The following HDAC9 variants were observed in gnomAD, a reference collection of about 807,000 sequenced individuals.
HDAC9 encodes histone deacetylase 9, also known as MEF-2 interacting transcription repressor (MITR) protein.
HDAC9 carries 41 observed loss-of-function variants against 139.4 expected under a neutral mutation model. The ratio of observed to expected loss-of-function variants is 0.29; its 90% CI spans 0.23 to 0.38. HDAC9 has a LOEUF of 0.38. Ranked by LOEUF, HDAC9 falls within the 10% of genes least tolerant of loss-of-function variation. The pLI is 1.00. For synonymous variants in HDAC9, 517 were observed against 476.2 expected (o/e 1.09, Z -1.12); for missense variants, 1,147 against 1,297.0 (o/e 0.88, Z 1.78).
intron 22 of HDAC9, among the ~76,000 whole-genome samples, chr7:18,928,513 T>G (rs376202532): frequency 6.6e-6 from 1 of 152,292 alleles, no homozygotes; most frequent in East Asian, 1.9e-4. Context: ...CTAACATACA[T>G]TGGTCACTTT....
intron 2 of HDAC9, among the ~76,000 whole-genome samples, chr7:18,203,329 T>G (rs1791273449): frequency 6.6e-6 from 1 of 152,216 alleles, no homozygotes; most frequent in South Asian, 2.1e-4. Context: ...TTGTCTTCAT[T>G]ACTGGCACCG....
chr7:18,735,152 G>A (rs764518378), intron 13 of HDAC9, among the ~76,000 whole-genome samples: 4 of 152,118 alleles, frequency 2.6e-5, no homozygotes, highest in Non-Finnish European at 5.9e-5. Flanking sequence ...TTGTCAGATG[G>A]GTAGATTGCA....
intron 1 of HDAC9, among the ~76,000 whole-genome samples, chr7:18,470,916 T>C (rs1350639525): frequency 6.6e-6 from 1 of 152,106 alleles, no homozygotes; most frequent in Non-Finnish European, 1.5e-5. Flanking sequence ...TTGTGAACTT[T>C]CATTTTATTT....
At chr7:18,844,566 G>A (rs1415565600) in intron 21 of HDAC9, among the ~76,000 whole-genome samples, 6 of 152,136 alleles carry the variant, frequency 3.9e-5, no homozygotes, top group Admixed American at 3.9e-4. Context: ...GCTCGCCTAG[G>A]ATGTATATTT....
chr7:18,779,755 G>A (rs751226691), intron 16 of HDAC9, among the ~76,000 whole-genome samples: 7 of 151,938 alleles, frequency 4.6e-5, no homozygotes, highest in Non-Finnish European at 8.8e-5. Context: ...CCACCCTGTG[G>A]GGTCACCTTG....
chr7:18,377,620 G>T (rs1785096964), intron 1 of HDAC9, among the ~76,000 whole-genome samples: 1 of 152,162 alleles, frequency 6.6e-6, no homozygotes. Context: ...TGTAGCAAAT[G>T]TGTTTAATAT....
intron 1 of HDAC9, among the ~76,000 whole-genome samples, chr7:18,108,661 T>A (rs1783396847): frequency 7.1e-6 from 1 of 141,638 alleles, no homozygotes; most frequent in Admixed American, 7.6e-5. Flanking sequence ...TTGCCCAGGC[T>A]GGAGTGGCAG....
At chr7:18,842,806 A>T (rs1435899838) in intron 21 of HDAC9, among the ~76,000 whole-genome samples, 1 of 152,106 alleles carries the variant, frequency 6.6e-6, no homozygotes, top group Non-Finnish European at 1.5e-5. Context: ...AATTGATCTT[A>T]TGCACACCTG....
chr7:18,681,716 G>A (rs1344527184), intron 12 of HDAC9, among the ~76,000 whole-genome samples: 2 of 151,948 alleles, frequency 1.3e-5, no homozygotes, highest in Non-Finnish European at 2.9e-5. Context: ...ACTTCAAGAA[G>A]ATGTGCCCAT....
chr7:18,608,583 G>C (rs1836199379), intron 6 of HDAC9, among the ~76,000 whole-genome samples: 1 of 151,818 alleles, frequency 6.6e-6, no homozygotes, highest in Non-Finnish European at 1.5e-5. Context: ...TCATATCATT[G>C]TAATTTTTGC....
chr7:18,894,155 G>A (rs1225383016), intron 22 of HDAC9, among the ~76,000 whole-genome samples: 66 of 152,120 alleles, frequency 4.3e-4, no homozygotes. Context: ...GGAATGAGTG[G>A]CTCTGAACTG....
At chr7:18,935,602 C>A (rs1183191673) in intron 22 of HDAC9, among the ~76,000 whole-genome samples, 1 of 152,128 alleles carries the variant, frequency 6.6e-6, no homozygotes, top group Non-Finnish European at 1.5e-5. Flanking sequence ...TACTTCTTAG[C>A]TGTGGGATCT....
At chr7:18,552,620 T>A (rs866756096) in intron 2 of HDAC9, among the ~76,000 whole-genome samples, 21 of 152,316 alleles carry the variant, frequency 1.4e-4, no homozygotes, top group African/African-American at 4.6e-4. Context: ...AACTGCTACC[T>A]CCATTTGGCA....
chr7:18,770,107 A>G (rs1430610694), intron 16 of HDAC9, among the ~76,000 whole-genome samples: 1 of 152,124 alleles, frequency 6.6e-6, no homozygotes, highest in Non-Finnish European at 1.5e-5. Context: ...ATTTCCCCTA[A>G]AATTGCACAT....
intron 12 of HDAC9, among the ~76,000 whole-genome samples, chr7:18,676,271 G>T (rs150961059): frequency 7.3e-4 from 111 of 151,978 alleles, no homozygotes; most frequent in Middle Eastern, 3.4e-3. Flanking sequence ...TCTTTCTTTG[G>T]AATCAGCATG....
intron 24 of HDAC9, among the ~76,000 whole-genome samples, chr7:18,969,138 T>G (rs1784090144): frequency 6.6e-6 from 1 of 152,010 alleles, no homozygotes; most frequent in Non-Finnish European, 1.5e-5. Context: ...TTGAATAATT[T>G]TCTTTACATA....
intron 1 of HDAC9, among the ~76,000 whole-genome samples, chr7:18,123,791 G>A (rs1002570943): frequency 6.6e-6 from 1 of 152,086 alleles, no homozygotes; most frequent in Admixed American, 6.6e-5. Flanking sequence ...TTGAATACTA[G>A]AGTTAATTCT....
chr7:18,375,356 G>A (rs764420932), intron 1 of HDAC9, among the ~76,000 whole-genome samples: 37 of 152,106 alleles, frequency 2.4e-4, no homozygotes, highest in Non-Finnish European at 4.9e-4. Flanking sequence ...TGTAATCCCA[G>A]TACTCAGGAG....
intron 2 of HDAC9, among the ~76,000 whole-genome samples, chr7:18,183,138 T>C (rs1789603610): frequency 6.6e-6 from 1 of 151,876 alleles, no homozygotes; most frequent in Non-Finnish European, 1.5e-5. Flanking sequence ...GCTTCCCGAG[T>C]AGCTGGGACT....
Sources: allele counts gnomAD v4.1 joint callset (sites outside exome capture counted in the v4.1 genomes callset), GRCh38; gene constraint gnomAD v4.1.1; transcripts MANE v1.5; gene names NCBI Gene and HGNC (gene_info 2026-07-23, HGNC 2026-07-21).